LINGO2: variants seen among roughly 807,000 people sequenced by gnomAD.
LINGO2 encodes the protein leucine-rich repeat and immunoglobulin-like domain-containing nogo receptor-interacting protein 2.
LINGO2 carries 14 observed loss-of-function variants against 30.6 expected under a neutral mutation model. The ratio of observed to expected loss-of-function variants is 0.46; its 90% CI spans 0.30 to 0.72. The LOEUF (loss-of-function observed/expected upper bound fraction) is 0.72. LINGO2 is among the 30% of genes least tolerant of loss of function. LINGO2 has a pLI of 0.07. For missense variants in LINGO2, 729 were observed against 751.7 expected, an observed-to-expected ratio of 0.97 and a Z score of 0.35; for synonymous variants, 317 against 288.5, an observed-to-expected ratio of 1.10 and a Z score of -1.00.
the LINGO2 span, among the ~76,000 whole-genome samples, chr9:29,062,283 C>G: frequency 6.6e-6 from 1 of 151,892 alleles, no homozygotes. Context: ...TATTGCAGTT[C>G]CTCAAAAAAA....
At chr9:28,960,124 T>C in the LINGO2 span, among the ~76,000 whole-genome samples, 2 of 152,206 alleles carry the variant, frequency 1.3e-5, no homozygotes, top group Non-Finnish European at 2.9e-5. Context: ...GAATCTATTC[T>C]TGATATGTGT....
intron 1 of LINGO2, among the ~76,000 whole-genome samples, chr9:28,525,948 C>T (rs1039465609): frequency 1.1e-4 from 16 of 147,898 alleles, no homozygotes; most frequent in Admixed American, 9.7e-4. Flanking sequence ...CCCAGCTACT[C>T]GGGAGACTGA....
At chr9:28,286,489 A>T (rs1587391376) in intron 4 of LINGO2, among the ~76,000 whole-genome samples, 1 of 152,232 alleles carries the variant, frequency 6.6e-6, no homozygotes, top group South Asian at 2.1e-4. Context: ...AAATCATTCT[A>T]TTATAAAGAC....
In LINGO2 at chr9:28,481,602, T is replaced by TTTTA. The variant is rs570839597; in HGVS notation, c.-364-5581_-364-5578dup. On this transcript the variant is annotated intron_variant, in intron 1 of 5. Transcript: ENST00000379992. The stretch of plus-strand genomic sequence containing the variant: ...ATGCTGTCGCCCTCCTCTGTGTAAG[T>TTTTA]TTTATTTATTTATTTATTTATTTAT... 5.2e-3 allele frequency among the ~76,000 whole-genome samples: 786 copies of TTTTA among 151,830 alleles called. 3 individuals carry two copies. Among genetic ancestry groups the TTTTA allele is most frequent in the African/African-American group, 0.017 (687 of 41,460 alleles).
At chr9:28,755,524 T>A in the LINGO2 span, among the ~76,000 whole-genome samples, 1 of 152,130 alleles carries the variant, frequency 6.6e-6, no homozygotes, top group African/African-American at 2.4e-5. Flanking sequence ...TATGTTTGTA[T>A]AAGTTGGCTG....
At chr9:28,004,079 G>T (rs1044042309) in intron 5 of LINGO2, among the ~76,000 whole-genome samples, 6 of 152,124 alleles carry the variant, frequency 3.9e-5, no homozygotes, top group African/African-American at 1.4e-4. Context: ...CTAGCCTTCA[G>T]TATGAGAATT....
At chr9:28,545,260 G>C (rs1239732664) in intron 1 of LINGO2, among the ~76,000 whole-genome samples, 2 of 152,060 alleles carry the variant, frequency 1.3e-5, no homozygotes, top group African/African-American at 4.8e-5. Context: ...ATTAAGAAGA[G>C]TTCCATGATA....
chr9:28,972,615 A>C, the LINGO2 span, among the ~76,000 whole-genome samples: 1 of 152,192 alleles, frequency 6.6e-6, no homozygotes, highest in African/African-American at 2.4e-5. Flanking sequence ...ATATGCAGTC[A>C]GAAGAGACGT....
chr9:28,136,158 C>T (rs929123750), intron 4 of LINGO2, among the ~76,000 whole-genome samples: 2 of 152,168 alleles, frequency 1.3e-5, no homozygotes, highest in African/African-American at 4.8e-5. Context: ...ATTTATCAAG[C>T]TTATAATCAC....
chr9:28,609,677 A>G (rs1825833347), intron 1 of LINGO2, among the ~76,000 whole-genome samples: 1 of 152,106 alleles, frequency 6.6e-6, no homozygotes, highest in Non-Finnish European at 1.5e-5. Context: ...ACAGGAATGT[A>G]ACTTAGAAAA....
chr9:28,693,364 C>T, the LINGO2 span, among the ~76,000 whole-genome samples: 14 of 152,122 alleles, frequency 9.2e-5, 1 homozygote, highest in Non-Finnish European at 2.1e-4. Flanking sequence ...TTCATTCATT[C>T]AGTGATTTAA....
chr9:28,600,767 T>C (rs1563855051), intron 1 of LINGO2, among the ~76,000 whole-genome samples: 2 of 152,088 alleles, frequency 1.3e-5, no homozygotes, highest in African/African-American at 4.8e-5. Flanking sequence ...CCTTTTGAAC[T>C]GCATAGAGGC....
At chr9:28,111,642 G>C (rs1161621313) in intron 4 of LINGO2, among the ~76,000 whole-genome samples, 1 of 152,066 alleles carries the variant, frequency 6.6e-6, no homozygotes, top group Non-Finnish European at 1.5e-5. Flanking sequence ...TTTCTGCAAG[G>C]ATCTTAAAAT....
At chr9:27,961,335 G>A (rs1252728924) in intron 5 of LINGO2, among the ~76,000 whole-genome samples, 4 of 152,104 alleles carry the variant, frequency 2.6e-5, no homozygotes, top group African/African-American at 7.2e-5. Flanking sequence ...ATATCGAATT[G>A]CTTCAAGTAA....
intron 5 of LINGO2, among the ~76,000 whole-genome samples, chr9:27,978,972 A>G (rs1215099322): frequency 6.6e-6 from 1 of 152,074 alleles, no homozygotes; most frequent in East Asian, 1.9e-4. Context: ...TCTGTTTTAT[A>G]AAAGAGTTCA....
intron 1 of LINGO2, among the ~76,000 whole-genome samples, chr9:28,613,043 G>A (rs537994962): frequency 7.9e-5 from 12 of 152,066 alleles, no homozygotes; most frequent in African/African-American, 2.9e-4. Flanking sequence ...TAGTTCCTCC[G>A]GTGTTCATTC....
chr9:28,549,228 T>A (rs1334252423), intron 1 of LINGO2, among the ~76,000 whole-genome samples: 2 of 152,124 alleles, frequency 1.3e-5, no homozygotes, highest in Non-Finnish European at 2.9e-5. Flanking sequence ...AAATATTATC[T>A]TACTGTCAGT....
chr9:28,511,168 AC>A (rs1188267134), intron 1 of LINGO2, among the ~76,000 whole-genome samples: 1 of 152,164 alleles, frequency 6.6e-6, no homozygotes, highest in Non-Finnish European at 1.5e-5. Flanking sequence ...CTTAGTATTA[AC>A]CATCACAAGT....
In LINGO2 at chr9:28,262,060, C is replaced by T. The variant is rs139661376; in HGVS notation, c.-87+33148G>A. On this transcript the variant is annotated intron_variant, in intron 4 of 5. Transcript: ENST00000379992. ...AATACACGAAGTACAGATTAGAAAA[C>T]AAAATATTCACCTGCACATGATCTA... 8.7e-3 allele frequency among the ~76,000 whole-genome samples: 1,316 copies of T among 151,910 alleles called. 15 individuals carry two copies. Among genetic ancestry groups the T allele is most frequent in the South Asian group, 0.052 (249 of 4,826 alleles).
Sources: gnomAD v4.1 joint callset for allele counts (sites outside exome capture counted in the v4.1 genomes callset) on GRCh38, gnomAD v4.1.1 for gene constraint, MANE v1.5 for transcripts, NCBI Gene and HGNC (gene_info 2026-07-23, HGNC 2026-07-21) for gene names.